CHST11: variants seen among roughly 807,000 people sequenced by gnomAD.
CHST11 encodes C4S-1.
In CHST11, 9 loss-of-function variants were observed where a neutral mutation model predicts 30.4. That is an observed-to-expected ratio of 0.30 (90% confidence interval 0.18 to 0.52). The LOEUF is 0.52. Among genes scored for constraint, CHST11 ranks in the 20% least tolerant of loss-of-function variants. CHST11 has a pLI of 0.97. For missense variants in CHST11, 348 were observed against 460.6 expected (o/e 0.76, Z 2.24); for synonymous variants, 152 against 187.8 (o/e 0.81, Z 1.56).
chr12:104,649,035 G>A (rs1176886781), intron 2 of CHST11, among the ~76,000 whole-genome samples: 1 of 152,018 alleles, frequency 6.6e-6, no homozygotes, highest in Non-Finnish European at 1.5e-5. Flanking sequence ...CCTCCTGTTG[G>A]CCAAACTGAA....
At chr12:104,723,406 T>C (rs2040193831) in intron 2 of CHST11, among the ~76,000 whole-genome samples, 1 of 152,358 alleles carries the variant, frequency 6.6e-6, no homozygotes, top group African/African-American at 2.4e-5. Context: ...GGCCTCTGCC[T>C]GCACCACCCC....
intron 2 of CHST11, among the ~76,000 whole-genome samples, chr12:104,670,924 A>G (rs2039690231): frequency 1.3e-5 from 2 of 152,094 alleles, no homozygotes; most frequent in African/African-American, 4.8e-5. Flanking sequence ...ACACTCACAC[A>G]CACACTCTTT....
At chr12:104,529,711 G>A (rs1410592206) in intron 1 of CHST11, among the ~76,000 whole-genome samples, 5 of 152,000 alleles carry the variant, frequency 3.3e-5, no homozygotes, top group Admixed American at 2.0e-4. Flanking sequence ...GGGAAAAGGG[G>A]ATATGGAAGG....
At chr12:104,508,641 A>G (rs1219300432) in intron 1 of CHST11, among the ~76,000 whole-genome samples, 1 of 152,208 alleles carries the variant, frequency 6.6e-6, no homozygotes, top group Non-Finnish European at 1.5e-5. Flanking sequence ...ACCATTTTCC[A>G]TAAGCCTGGA....
intron 1 of CHST11, among the ~76,000 whole-genome samples, chr12:104,483,621 C>T (rs1255320406): frequency 6.6e-6 from 1 of 152,214 alleles, no homozygotes; most frequent in African/African-American, 2.4e-5. Flanking sequence ...AGTTCAGATA[C>T]AAACTCCCCA....
chr12:104,591,449 A>G (rs1207360691), intron 1 of CHST11, among the ~76,000 whole-genome samples: 1 of 151,902 alleles, frequency 6.6e-6, no homozygotes, highest in Admixed American at 6.6e-5. Flanking sequence ...TGGGTGGGGC[A>G]TAGCAGACAG....
intron 1 of CHST11, among the ~76,000 whole-genome samples, chr12:104,492,626 C>A (rs941859537): frequency 6.6e-6 from 1 of 152,150 alleles, no homozygotes; most frequent in Non-Finnish European, 1.5e-5. Context: ...AATAGGATCC[C>A]TTTTTAAGAT....
chr12:104,718,150 C>A (rs749156315), intron 2 of CHST11, among the ~76,000 whole-genome samples: 1 of 152,172 alleles, frequency 6.6e-6, no homozygotes, highest in Non-Finnish European at 1.5e-5. Flanking sequence ...GATGCCCATT[C>A]CCTCACTAAA....
intron 2 of CHST11, among the ~76,000 whole-genome samples, chr12:104,624,912 G>A (rs758178142): frequency 6.6e-6 from 1 of 152,188 alleles, no homozygotes; most frequent in South Asian, 2.1e-4. Context: ...CACGGTGCCC[G>A]TGCACTCCTG....
At chr12:104,555,384 A>G (rs1297678452) in intron 1 of CHST11, among the ~76,000 whole-genome samples, 2 of 152,160 alleles carry the variant, frequency 1.3e-5, no homozygotes, top group Non-Finnish European at 2.9e-5. Flanking sequence ...TACTTTTTAG[A>G]TTTGTGGGTT....
At chr12:104,690,807 A>G (rs545664207) in intron 2 of CHST11, among the ~76,000 whole-genome samples, 15 of 152,314 alleles carry the variant, frequency 9.8e-5, no homozygotes, top group South Asian at 8.3e-4. Flanking sequence ...CAGCCTGGGC[A>G]ACAGAGTGAG....
intron 2 of CHST11, among the ~76,000 whole-genome samples, chr12:104,718,925 A>G (rs1231103795): frequency 1.3e-5 from 2 of 152,350 alleles, no homozygotes; most frequent in Admixed American, 1.3e-4. Context: ...GAAGGCTTGA[A>G]CAGTAAATTG....
intron 2 of CHST11, among the ~76,000 whole-genome samples, chr12:104,726,239 A>G (rs12322703): frequency 0.014 from 2,139 of 152,302 alleles, 61 homozygotes; most frequent in African/African-American, 0.049. Context: ...TTCAAAGTTC[A>G]ATGGTAATTT....
At chr12:104,742,398 G>A (rs574269387) in intron 2 of CHST11, among the ~76,000 whole-genome samples, 2 of 152,208 alleles carry the variant, frequency 1.3e-5, no homozygotes, top group African/African-American at 2.4e-5. Flanking sequence ...TAAGCCACCC[G>A]GGACTGCTCA....
At chr12:104,504,043 T>C (rs1244551069) in intron 1 of CHST11, among the ~76,000 whole-genome samples, 3 of 152,248 alleles carry the variant, frequency 2.0e-5, no homozygotes, top group Non-Finnish European at 4.4e-5. Flanking sequence ...TTAGCTTTTC[T>C]TTCTGGCTCT....
intron 2 of CHST11, among the ~76,000 whole-genome samples, chr12:104,724,717 A>C (rs1188197360): frequency 6.6e-6 from 1 of 152,030 alleles, no homozygotes. Context: ...CCACCGGTGG[A>C]GCTGCCGCAG....
chr12:104,704,190 A>G (rs1415193832), intron 2 of CHST11, among the ~76,000 whole-genome samples: 3 of 152,132 alleles, frequency 2.0e-5, no homozygotes, highest in Non-Finnish European at 2.9e-5. Context: ...TCACTTCGAT[A>G]TATTCTGGAA....
chr12:104,583,577 G>A (rs904572586), intron 1 of CHST11, among the ~76,000 whole-genome samples: 8 of 152,214 alleles, frequency 5.3e-5, no homozygotes, highest in Admixed American at 1.3e-4. Context: ...TTTTCAGATC[G>A]ATTCTGACAC....
chr12:104,674,650 G>C (rs1468558179), intron 2 of CHST11, among the ~76,000 whole-genome samples: 1 of 152,096 alleles, frequency 6.6e-6, no homozygotes, highest in Admixed American at 6.6e-5. Flanking sequence ...AGAATTAATT[G>C]AATATTGAAT....
Sources: gnomAD v4.1 joint callset for allele counts (sites outside exome capture counted in the v4.1 genomes callset) on GRCh38, gnomAD v4.1.1 for gene constraint, MANE v1.5 for transcripts, NCBI Gene and HGNC (gene_info 2026-07-23, HGNC 2026-07-21) for gene names.